The following AUTS2 variants were observed in gnomAD, a reference collection of about 807,000 sequenced individuals.
The protein encoded by AUTS2 is activator of transcription and developmental regulator AUTS2.
Under a neutral mutation model 112.4 loss-of-function variants are expected in AUTS2, and 17 were observed. The ratio of observed to expected loss-of-function variants is 0.15; its 90% CI spans 0.10 to 0.23. The LOEUF (loss-of-function observed/expected upper bound fraction) is 0.23, where lower values mean the gene tolerates loss of function less well. AUTS2 is among the 10% of genes least tolerant of loss of function. The pLI is 1.00. For missense variants in AUTS2, 1,510 were observed against 1,701.6 expected, an observed-to-expected ratio of 0.89 and a Z score of 1.98; for synonymous variants, 751 against 702.7, an observed-to-expected ratio of 1.07 and a Z score of -1.09.
At chr7:70,255,416 A>G (rs946086959) in intron 4 of AUTS2, among the ~76,000 whole-genome samples, 2 of 151,884 alleles carry the variant, frequency 1.3e-5, no homozygotes, top group African/African-American at 2.4e-5. Context: ...GCAAATAGGG[A>G]GATACTAATT....
At chr7:70,303,075 G>T (rs556829104) in intron 4 of AUTS2, among the ~76,000 whole-genome samples, 15 of 152,142 alleles carry the variant, frequency 9.9e-5, no homozygotes, top group South Asian at 2.1e-4. Context: ...TGGAATCTTT[G>T]AAGATAAAAT....
intron 4 of AUTS2, among the ~76,000 whole-genome samples, chr7:70,215,259 A>G (rs968302791): frequency 6.6e-6 from 1 of 152,220 alleles, no homozygotes; most frequent in Non-Finnish European, 1.5e-5. Context: ...CAGCCTGGGT[A>G]ACAGAGTAAG....
chr7:70,476,129 C>T (rs1349413086), intron 5 of AUTS2, among the ~76,000 whole-genome samples: 5 of 152,112 alleles, frequency 3.3e-5, no homozygotes, highest in Non-Finnish European at 1.5e-5. Flanking sequence ...CATGGTGATA[C>T]GTTAGTTATC....
intron 2 of AUTS2, among the ~76,000 whole-genome samples, chr7:69,961,278 T>C (rs1279219949): frequency 6.6e-6 from 1 of 152,140 alleles, no homozygotes; most frequent in African/African-American, 2.4e-5. Context: ...GTAGTATGGC[T>C]TATGTAAAAT....
At chr7:70,539,240 T>C (rs1055116737) in intron 5 of AUTS2, among the ~76,000 whole-genome samples, 3 of 152,198 alleles carry the variant, frequency 2.0e-5, no homozygotes, top group Non-Finnish European at 4.4e-5. Flanking sequence ...ATAGTTACTA[T>C]GTTGTTGTTT....
chr7:70,381,722 A>G (rs1793375083), intron 4 of AUTS2, among the ~76,000 whole-genome samples: 1 of 152,160 alleles, frequency 6.6e-6, no homozygotes, highest in African/African-American at 2.4e-5. Context: ...ATTTGACTAG[A>G]TGGCAGAACG....
intron 1 of AUTS2, among the ~76,000 whole-genome samples, chr7:69,710,669 C>T (rs1300325390): frequency 6.6e-6 from 1 of 152,206 alleles, no homozygotes; most frequent in Non-Finnish European, 1.5e-5. Context: ...GCTGAGAAGT[C>T]CTTTTTAAAG....
At chr7:70,328,551 A>G (rs572360822) in intron 4 of AUTS2, among the ~76,000 whole-genome samples, 1 of 152,244 alleles carries the variant, frequency 6.6e-6, no homozygotes, top group African/African-American at 2.4e-5. Flanking sequence ...ATCACACTGC[A>G]AGTTTATGTA....
intron 2 of AUTS2, among the ~76,000 whole-genome samples, chr7:70,003,486 T>A (rs1285146408): frequency 8.0e-6 from 1 of 125,338 alleles, no homozygotes; most frequent in Non-Finnish European, 1.5e-5. Flanking sequence ...TGAATATATA[T>A]AATATATATG....
intron 1 of AUTS2, among the ~76,000 whole-genome samples, chr7:69,747,157 G>A (rs1175587874): frequency 1.3e-5 from 2 of 152,306 alleles, no homozygotes; most frequent in East Asian, 3.9e-4. Context: ...TTAGGGCAGG[G>A]CCCAAGAATT....
intron 1 of AUTS2, among the ~76,000 whole-genome samples, chr7:69,876,307 T>A (rs1461783145): frequency 2.0e-5 from 2 of 99,672 alleles, no homozygotes; most frequent in East Asian, 3.4e-4. Context: ...GCCTGGGTGA[T>A]GGAGCGAGAC....
At chr7:69,809,268 C>T (rs186588262) in intron 1 of AUTS2, among the ~76,000 whole-genome samples, 9 of 151,882 alleles carry the variant, frequency 5.9e-5, no homozygotes, top group East Asian at 1.9e-4. Flanking sequence ...TTGGTAGAGA[C>T]GGGGTTTCAC....
Position 69,950,914 on chromosome 7 carries a change from C to T in AUTS2, c.522+51416C>T, listed in dbSNP as rs139983660. Reference sequence around the variant, plus strand: ...CTTTGGGAGGCTGAGGTGAGCAGATCGCTTGAGCCCAGGAGTTTGAGACCA... The same window carrying T: ...CTTTGGGAGGCTGAGGTGAGCAGATTGCTTGAGCCCAGGAGTTTGAGACCA... On this transcript the variant is annotated intron_variant, in intron 2 of 18. Coordinates refer to ENST00000342771, the MANE Select transcript of AUTS2 (RefSeq NM_015570.4). 1.8e-3 allele frequency among the ~76,000 whole-genome samples: 276 copies of T among 152,112 alleles called. 1 individual carries two copies. Among genetic ancestry groups the T allele is most frequent in the African/African-American group, 6.1e-3 (255 of 41,506 alleles).
At chr7:69,690,187 T>C (rs149795083) in intron 1 of AUTS2, among the ~76,000 whole-genome samples, 4 of 152,336 alleles carry the variant, frequency 2.6e-5, no homozygotes, top group African/African-American at 9.6e-5. Context: ...TAGTCATGAT[T>C]TGAATATTTC....
intron 6 of AUTS2, among the ~76,000 whole-genome samples, chr7:70,715,468 G>A (rs1464532699): frequency 2.6e-5 from 4 of 152,038 alleles, no homozygotes; most frequent in Non-Finnish European, 5.9e-5. Context: ...CCCAAGGTTT[G>A]AACCTTTCCT....
intron 4 of AUTS2, among the ~76,000 whole-genome samples, chr7:70,300,321 T>C (rs1789152401): frequency 6.6e-6 from 1 of 152,194 alleles, no homozygotes; most frequent in South Asian, 2.1e-4. Context: ...TTCAGAGCTG[T>C]CCTGAGCCAC....
chr7:70,006,138 T>C lies in AUTS2; in HGVS notation c.522+106640T>C, dbSNP rs180686780. ...TTGCTCATTGTTCATTTTTTATTCC[T>C]CAGCTCCTTAGTTCTACTCAAAGTC... On this transcript the variant is annotated intron_variant, in intron 2 of 18. Coordinates refer to ENST00000342771, the MANE Select transcript of AUTS2 (RefSeq NM_015570.4). Among the ~76,000 whole-genome samples, 3 of 152,260 alleles carry C rather than the reference T, an allele frequency of 2.0e-5. No homozygotes were observed. The East Asian group carries it at 5.8e-4, about 29-fold the overall frequency.
intron 4 of AUTS2, among the ~76,000 whole-genome samples, chr7:70,267,083 T>G (rs1787464615): frequency 6.6e-6 from 1 of 152,228 alleles, no homozygotes; most frequent in Non-Finnish European, 1.5e-5. Context: ...ATCTGCTTTT[T>G]GTGCTACATT....
At chr7:69,873,006 A>G (rs1378189344) in intron 1 of AUTS2, among the ~76,000 whole-genome samples, 3 of 150,934 alleles carry the variant, frequency 2.0e-5, no homozygotes, top group Non-Finnish European at 3.0e-5. Flanking sequence ...TCACACCCAG[A>G]TAATTTTTGT....
Sources: allele counts gnomAD v4.1 joint callset (sites outside exome capture counted in the v4.1 genomes callset), GRCh38; gene constraint gnomAD v4.1.1; transcripts MANE v1.5; gene names NCBI Gene and HGNC (gene_info 2026-07-23, HGNC 2026-07-21).